Variants in ZNF462 observed in about 807,000 individuals in gnomAD.
ZNF462 encodes the protein zinc finger protein 462, also known as zinc finger PBX1-interacting protein.
A neutral mutation model predicts 201.9 loss-of-function variants in ZNF462; 10 were observed. That is an observed-to-expected ratio of 0.05 (90% CI 0.03 to 0.08). The LOEUF (loss-of-function observed/expected upper bound fraction) is 0.08, where lower values mean the gene tolerates loss of function less well. Among genes scored for constraint, ZNF462 ranks in the 10% least tolerant of loss-of-function variants. ZNF462 has a pLI of 1.00. For missense variants in ZNF462, 2,523 were observed against 3,168.3 expected (o/e 0.80, Z 4.89); for synonymous variants, 1,227 against 1,193.3 (o/e 1.03, Z -0.58).
chr9:106,987,284 G>A (rs1032595844), intron 10 of ZNF462, among the ~76,000 whole-genome samples: 4 of 152,154 alleles, frequency 2.6e-5, no homozygotes, highest in Non-Finnish European at 4.4e-5. Context: ...CACCAGCAGT[G>A]TAGAAGTGTT....
intron 1 of ZNF462, among the ~76,000 whole-genome samples, chr9:106,864,051 T>TCTCTCTCTCC: frequency 1.9e-5 from 1 of 52,668 alleles, no homozygotes; most frequent in East Asian, 4.6e-4. Context: ...TCTCTCTCTC[T>TCTCTCTCTCC]CTCTCTCTCT....
intron 9 of ZNF462, among the ~76,000 whole-genome samples, chr9:106,982,335 A>C (rs1827495940): frequency 6.6e-6 from 1 of 152,206 alleles, no homozygotes. Flanking sequence ...AGTTATTGCT[A>C]AACATCCTGC....
chr9:106,960,839 A>G (rs916553205), intron 7 of ZNF462, among the ~76,000 whole-genome samples: 5 of 152,136 alleles, frequency 3.3e-5, no homozygotes, highest in African/African-American at 9.6e-5. Context: ...AGGATCCCCA[A>G]GTTATGCTTC....
rs1199680604 is a variant in ZNF462 at position 106,924,978 on chromosome 9, C to T, written c.1066C>T (p.Leu356=). The T allele has an allele frequency of 1.2e-6, 2 of 1,614,176 alleles. No individual in the cohort carries two copies. Among genetic ancestry groups the T allele is most frequent in the Non-Finnish European group, 1.7e-6 (2 of 1,180,040 alleles). ...GCCGAAGTCACCTCACAATTCTGGT[C>T]TAGTTAACTTGACAGAGAGATCCCG... ...MKPKSPHNSG[L]VNLTERSRYG... Residue 356 remains leucine, a synonymous_variant, in exon 3 of 13, where the codon CTA becomes TTA. Transcript: ENST00000277225. The surrounding 1 kb of genome is among the most constrained non-coding windows in gnomAD (Gnocchi z 6.2).
intron 1 of ZNF462, among the ~76,000 whole-genome samples, chr9:106,915,455 T>G (rs1312714203): frequency 1.3e-5 from 2 of 152,168 alleles, no homozygotes; most frequent in Non-Finnish European, 2.9e-5. Context: ...AAAAGTAGAT[T>G]GGGGATTGCA....
Position 106,984,491 on chromosome 9 carries a change from G to A in ZNF462, c.7056+82G>A, listed in dbSNP as rs769901200. On this transcript the variant is annotated intron_variant, in intron 10 of 12. Transcript: ENST00000277225. This position sits in a 1 kb window ranked among gnomAD's most constrained non-coding sequence, Gnocchi z 6.4. ...GGGAGACACCACTGCATTTAGTCACGACCACTGTGTACCAGATGGAGATGT... is the reference window on the plus strand; with the variant it reads ...GGGAGACACCACTGCATTTAGTCACAACCACTGTGTACCAGATGGAGATGT... 8 of 1,096,070 alleles carry A rather than the reference G, an allele frequency of 7.3e-6. No homozygotes were observed. Among genetic ancestry groups the A allele is most frequent in the East Asian group, 2.4e-5 (1 of 41,798 alleles). 67.9% of individuals were successfully genotyped at this position (1,096,070 alleles called of 1,614,324 possible). A position where few individuals can be genotyped will look rare whatever the true frequency, so the allele number is the denominator to read the frequency against.
At position 107,013,201 on chromosome 9, in the gene ZNF462, G is replaced by A. The variant is rs1035798563; in HGVS notation, c.*2171G>A. ...TAACATGTAAATATTGTAATCCATT[G>A]GATTTTGTTTTGCTAACCTGTTAAT... On this transcript the variant is annotated 3_prime_UTR_variant, in exon 13 of 13. Coordinates refer to ENST00000277225, the MANE Select transcript of ZNF462 (RefSeq NM_021224.6). 1.3e-5 allele frequency: 2 copies of A among 151,708 alleles called. No individual in the cohort carries two copies. The highest frequency in any genetic ancestry group is 4.8e-5 in the African/African-American group (2 of 41,366). 9.4% of individuals were successfully genotyped at this position (151,708 alleles called of 1,614,324 possible).
At chr9:106,999,103 A>G (rs1276176367) in intron 10 of ZNF462, among the ~76,000 whole-genome samples, 1 of 152,194 alleles carries the variant, frequency 6.6e-6, no homozygotes, top group African/African-American at 2.4e-5. Context: ...TTTTGCCTGC[A>G]GAAAGAGCCT....
rs775625915 is a variant in ZNF462, at chr9:106,924,929, G to T, written c.1017G>T (p.Ser339=). The part of the protein sequence containing the change: ...MRPNSSASKF[S]PMSYPQMKPK... ...CCAATTCTTCAGCTTCCAAGTTTTC[G>T]CCCATGTCTTACCCTCAGATGAAGC... The change falls in exon 3 of 13, where the codon TCG becomes TCT. Residue 339 remains serine, a synonymous_variant. Transcript: ENST00000277225. The surrounding 1 kb of genome is among the most constrained non-coding windows in gnomAD (Gnocchi z 6.2). 1 of 1,613,944 alleles carries T rather than the reference G, an allele frequency of 6.2e-7. No homozygotes were observed. Among genetic ancestry groups the T allele is most frequent in the South Asian group, 1.1e-5 (1 of 91,080 alleles).
rs1056570369 is a variant in ZNF462 at position 106,913,696 on chromosome 9, C to T, written c.-30-9658C>T. ...CACTGCAACCTCTGTCTCCCAGGCT[C>T]AAACAGTTTTCCTGCCTCAGCCTCC... is the stretch of plus-strand genomic sequence containing the variant. On this transcript the variant is annotated intron_variant, in intron 1 of 12. Coordinates refer to ENST00000277225, the MANE Select transcript of ZNF462 (RefSeq NM_021224.6). The surrounding 1 kb of genome is among the most constrained non-coding windows in gnomAD (Gnocchi z 4.1). Among the ~76,000 whole-genome samples, 2 of 139,638 alleles carry T rather than the reference C, an allele frequency of 1.4e-5. No individual in the cohort carries two copies. Among genetic ancestry groups the T allele is most frequent in the African/African-American group, 4.9e-5 (2 of 40,576 alleles). 91.6% of individuals were successfully genotyped at this position (139,638 alleles called of 152,430 possible).
intron 10 of ZNF462, among the ~76,000 whole-genome samples, chr9:106,991,045 A>T (rs1828236606): frequency 6.6e-6 from 1 of 152,028 alleles, no homozygotes; most frequent in South Asian, 2.1e-4. Flanking sequence ...TGAAAATTCA[A>T]ATATAAAAGT....
At position 106,890,917 on chromosome 9, in the gene ZNF462, A is replaced by C. The variant is rs1263192146; in HGVS notation, c.-31+27562A>C. ...CTTGAAGACTAAATGGCATCCTTAA[A>C]ATCTGATGGTTTTCTTTGTACCTTT... On this transcript the variant is annotated intron_variant, in intron 1 of 12. Coordinates refer to ENST00000277225, the MANE Select transcript of ZNF462 (RefSeq NM_021224.6). The surrounding 1 kb of genome is among the most constrained non-coding windows in gnomAD (Gnocchi z 4.2). Among the ~76,000 whole-genome samples, 1 of 152,208 alleles carries C rather than the reference A, an allele frequency of 6.6e-6. No homozygotes were observed. The highest frequency in any genetic ancestry group is 1.5e-5 in the Non-Finnish European group (1 of 68,038).
In ZNF462 at chr9:106,970,623, T is replaced by C. The variant is rs1826553492; in HGVS notation, c.6428-1382T>C. 6.6e-6 allele frequency among the ~76,000 whole-genome samples: 1 copy of C among 152,200 alleles called. No homozygotes were observed. Among genetic ancestry groups the C allele is most frequent in the East Asian group, 1.9e-4 (1 of 5,194 alleles). Reference sequence around the variant, plus strand: ...AAAGGCTTAAGAAAAGAGCCCTTTGTTTTCTTTTCAAGGAAAGTTACACTG... The same window carrying C: ...AAAGGCTTAAGAAAAGAGCCCTTTGCTTTCTTTTCAAGGAAAGTTACACTG... On this transcript the variant is annotated intron_variant, in intron 7 of 12. Coordinates refer to ENST00000277225, the MANE Select transcript of ZNF462 (RefSeq NM_021224.6). This position sits in a 1 kb window ranked among gnomAD's most constrained non-coding sequence, Gnocchi z 4.2.
chr9:106,983,099 GCA>G (rs1827570755), intron 9 of ZNF462, among the ~76,000 whole-genome samples: 1 of 152,148 alleles, frequency 6.6e-6, no homozygotes, highest in African/African-American at 2.4e-5. Flanking sequence ...TGCATAAATA[GCA>G]CAGATTTTAA....
Position 106,932,563 on chromosome 9 carries a change from G to A in ZNF462, c.6116+14G>A, listed in dbSNP as rs756189021. The A allele has an allele frequency of 6.2e-7, 1 of 1,614,184 alleles. No homozygotes were observed. The highest frequency in any genetic ancestry group is 1.1e-5 in the South Asian group (1 of 91,072). On this transcript the variant is annotated intron_variant, in intron 5 of 12. Coordinates refer to ENST00000277225, the MANE Select transcript of ZNF462 (RefSeq NM_021224.6). The surrounding 1 kb of genome is among the most constrained non-coding windows in gnomAD (Gnocchi z 6.8). The stretch of plus-strand genomic sequence containing the variant: ...TTTCAGGCACAAGTAAGTGCTATTG[G>A]GGGGTCACTAGTGGTTACTGGGAGA...
rs1340091177 is a variant in ZNF462, at chr9:106,927,293, G to A, written c.3381G>A (p.Val1127=). Residue 1127 remains valine, a synonymous_variant, in exon 3 of 13, where the codon GTG becomes GTA. Transcript: ENST00000277225. ...KHCSYSNRSV[V]GVLVHYQKRH... ...GTTCCTACAGCAATCGGTCAGTTGT[G>A]GGAGTGCTTGTCCACTACCAGAAAA... is the stretch of plus-strand genomic sequence containing the variant. The A allele has an allele frequency of 1.2e-6, 2 of 1,611,272 alleles. No homozygotes were observed. The highest frequency in any genetic ancestry group is 2.2e-5 in the East Asian group (1 of 44,716).
In ZNF462 at chr9:106,903,752, C is replaced by T. The variant is rs532561508; in HGVS notation, c.-30-19602C>T. Among the ~76,000 whole-genome samples, 16 of 152,260 alleles carry T rather than the reference C, an allele frequency of 1.1e-4. No homozygotes were observed. In the South Asian group the frequency reaches 3.3e-3, roughly 32 times the overall value. On this transcript the variant is annotated intron_variant, in intron 1 of 12. Transcript: ENST00000277225. ...ATATAAGAATAGTTACCCCTGCTCA[C>T]TTTTGGTGTCCATTTGCATGAAATG...
chr9:106,892,616 T>C (rs1828628761), intron 1 of ZNF462, among the ~76,000 whole-genome samples: 1 of 152,154 alleles, frequency 6.6e-6, no homozygotes, highest in African/African-American at 2.4e-5. Context: ...TCTGGTTTTA[T>C]ATAGTTTAAC....
In ZNF462 at chr9:107,005,679, T is replaced by C. The variant is rs1829492412; in HGVS notation, c.7189+2253T>C. 6.6e-6 allele frequency among the ~76,000 whole-genome samples: 1 copy of C among 152,212 alleles called. No individual in the cohort carries two copies. Among genetic ancestry groups the C allele is most frequent in the Non-Finnish European group, 1.5e-5 (1 of 68,038 alleles). ...TTTCCTTGGCTGTGCAGAAGCTGTT[T>C]AGTTTGATGTAATTCTGTTTATCTG... On this transcript the variant is annotated intron_variant, in intron 11 of 12. Coordinates refer to ENST00000277225, the MANE Select transcript of ZNF462 (RefSeq NM_021224.6). This position sits in a 1 kb window ranked among gnomAD's most constrained non-coding sequence, Gnocchi z 4.4.
Sources: gnomAD v4.1 joint callset for allele counts (sites outside exome capture counted in the v4.1 genomes callset) on GRCh38, gnomAD v4.1.1 for gene constraint, Gnocchi (gnomAD v3.1) non-coding constraint, MANE v1.5 for transcripts, NCBI Gene and HGNC (gene_info 2026-07-23, HGNC 2026-07-21) for gene names.